The following SLC9B1 variants were observed in gnomAD, a reference collection of about 807,000 sequenced individuals.
SLC9B1 encodes sodium/hydrogen exchanger 9B1.
SLC9B1 carries 32 observed loss-of-function variants against 51.7 expected under a neutral mutation model. The ratio of observed to expected loss-of-function variants is 0.62; its 90% CI spans 0.47 to 0.83. The LOEUF (loss-of-function observed/expected upper bound fraction) is 0.83, where lower values mean the gene tolerates loss of function less well. SLC9B1 is among the 40% of genes least tolerant of loss of function. SLC9B1 has a pLI of 0.00. For synonymous variants in SLC9B1, 145 were observed against 212.7 expected, an observed-to-expected ratio of 0.68 and a Z score of 2.77; for missense variants, 406 against 613.2, an observed-to-expected ratio of 0.66 and a Z score of 3.57.
At chr4:102,996,874 T>C (rs1241531384) in intron 1 of SLC9B1, among the ~76,000 whole-genome samples, 3 of 151,808 alleles carry the variant, frequency 2.0e-5, no homozygotes, top group Non-Finnish European at 4.4e-5. Flanking sequence ...ACAGCCTCAA[T>C]CTCCTGGGCT....
chr4:102,887,159 CTG>C (rs1221341631), intron 11 of SLC9B1, among the ~76,000 whole-genome samples: 2 of 152,116 alleles, frequency 1.3e-5, no homozygotes, highest in Non-Finnish European at 2.9e-5. Flanking sequence ...AATGAAGTAA[CTG>C]TTTAAATTGT....
chr4:102,984,311 T>G (rs1006225729), intron 3 of SLC9B1, among the ~76,000 whole-genome samples: 6 of 152,094 alleles, frequency 3.9e-5, no homozygotes, highest in African/African-American at 1.4e-4. Flanking sequence ...GAGACAGGGC[T>G]TCATCATGTT....
downstream of SLC9B1, chr4:102,897,733 A>G (rs1409279768): frequency 3.4e-5 from 16 of 475,096 alleles, no homozygotes; most frequent in Non-Finnish European, 6.7e-5. Flanking sequence ...TAGTAGTAAG[A>G]GACCAGCTTC....
intron 7 of SLC9B1, chr4:102,912,138 G>GA (rs56920618): frequency 3.1e-3 from 448 of 143,946 alleles, no homozygotes; most frequent in Admixed American, 7.8e-3. Flanking sequence ...ACCTCCAAAA[G>GA]AAAAAAAAAA....
At chr4:102,923,727 T>C (rs987836257) in intron 7 of SLC9B1, among the ~76,000 whole-genome samples, 4 of 152,100 alleles carry the variant, frequency 2.6e-5, no homozygotes, top group African/African-American at 9.6e-5. Flanking sequence ...GGATACAAAA[T>C]CAACGTGTAA....
In SLC9B1 at chr4:103,001,752, C is replaced by T. The variant is rs148457949; in HGVS notation, c.-1-10040G>A. Reference sequence around the variant, plus strand: ...CCCACCTCTACCTGTTACCCAGTTCCAAAGTCACTTCCACATTTTCAAGTA... The same window carrying T: ...CCCACCTCTACCTGTTACCCAGTTCTAAAGTCACTTCCACATTTTCAAGTA... On this transcript the variant is annotated intron_variant, in intron 1 of 11. Transcript: ENST00000296422. Among the ~76,000 whole-genome samples, 1,417 of 152,318 alleles carry T rather than the reference C, an allele frequency of 9.3e-3. 15 individuals are homozygous for T. Among genetic ancestry groups the T allele is most frequent in the African/African-American group, 0.031 (1,281 of 41,562 alleles).
intron 11 of SLC9B1, chr4:102,891,683 T>C (rs928305198): frequency 1.3e-5 from 2 of 152,246 alleles, no homozygotes; most frequent in African/African-American, 2.4e-5. Flanking sequence ...TCCCATTCAA[T>C]TGAAACATTT....
downstream of SLC9B1, chr4:102,898,054 CT>C: frequency 2.2e-6 from 1 of 457,308 alleles, no homozygotes; most frequent in Non-Finnish European, 4.3e-6. Flanking sequence ...AAGCCATGCC[CT>C]AGTCGTGCTG....
At chr4:102,968,084 T>A (rs1738527491) in intron 3 of SLC9B1, among the ~76,000 whole-genome samples, 1 of 152,222 alleles carries the variant, frequency 6.6e-6, no homozygotes, top group South Asian at 2.1e-4. Flanking sequence ...GAGTACTTAA[T>A]ACTGTCTTAT....
intron 1 of SLC9B1, among the ~76,000 whole-genome samples, chr4:102,994,152 G>GT (rs926349598): frequency 1.4e-4 from 21 of 151,786 alleles, no homozygotes; most frequent in Non-Finnish European, 2.2e-4. Flanking sequence ...CCCAGAAAAT[G>GT]TTTTTTTTTC....
At chr4:102,980,546 A>G (rs533955801) in intron 3 of SLC9B1, among the ~76,000 whole-genome samples, 2 of 152,158 alleles carry the variant, frequency 1.3e-5, no homozygotes, top group East Asian at 3.9e-4. Context: ...GAATGATGAG[A>G]ACACATGGGG....
intron 7 of SLC9B1, among the ~76,000 whole-genome samples, chr4:102,927,393 A>G (rs1227941724): frequency 2.0e-5 from 3 of 152,224 alleles, no homozygotes; most frequent in African/African-American, 7.2e-5. Context: ...GAAAAAAACA[A>G]TACCATCAAA....
At chr4:102,991,209 G>C (rs1050537752) in intron 2 of SLC9B1, among the ~76,000 whole-genome samples, 34 of 151,980 alleles carry the variant, frequency 2.2e-4, no homozygotes, top group African/African-American at 8.2e-4. Context: ...CTAATTATGA[G>C]CAATTATTAC....
At chr4:102,921,191 C>G (rs563946481) in intron 7 of SLC9B1, among the ~76,000 whole-genome samples, 57 of 152,314 alleles carry the variant, frequency 3.7e-4, no homozygotes, top group African/African-American at 1.3e-3. Flanking sequence ...AAGGGAAGCC[C>G]ATCAGACTAA....
Position 102,910,535 on chromosome 4 carries a change from G to A in SLC9B1, c.990C>T (p.Ala330=), listed in dbSNP as rs926987321. 2.3e-5 allele frequency: 35 copies of A among 1,547,218 alleles called. No homozygotes were observed. In the African/African-American group the frequency reaches 2.9e-4, roughly 13 times the overall value. ...AACCAATACGTTGGCTGCCTAAGACGGCAGAAACACACATAGTCAAAACAA... is the reference window on the plus strand; with the variant it reads ...AACCAATACGTTGGCTGCCTAAGACAGCAGAAACACACATAGTCAAAACAA... ...GFLVLTMCVS[A]VLGSQRIGLH... Residue 330 remains alanine (A), a synonymous_variant, in exon 9 of 12, where the codon GCC becomes GCT. Transcript: ENST00000296422.
At chr4:102,957,648 A>G (rs1428835017) in intron 3 of SLC9B1, among the ~76,000 whole-genome samples, 4 of 152,318 alleles carry the variant, frequency 2.6e-5, no homozygotes, top group Non-Finnish European at 5.9e-5. Flanking sequence ...TTGCTAAAGA[A>G]ACACTAAATA....
chr4:102,941,101 A>C (rs1209783793), intron 6 of SLC9B1, among the ~76,000 whole-genome samples: 1 of 152,212 alleles, frequency 6.6e-6, no homozygotes, highest in Non-Finnish European at 1.5e-5. Flanking sequence ...TCTGGAAAAC[A>C]CTTTATGATG....
At chr4:102,933,868 A>G (rs1736585399) in intron 6 of SLC9B1, among the ~76,000 whole-genome samples, 1 of 152,250 alleles carries the variant, frequency 6.6e-6, no homozygotes, top group Admixed American at 6.5e-5. Context: ...CTGAATACTT[A>G]GAGAGACATT....
intron 3 of SLC9B1, among the ~76,000 whole-genome samples, chr4:102,981,158 T>A (rs1261735354): frequency 1.3e-5 from 2 of 152,162 alleles, no homozygotes; most frequent in African/African-American, 4.8e-5. Context: ...TTACTCCAAG[T>A]TGTCTCATTG....
Sources: allele counts gnomAD v4.1 joint callset (sites outside exome capture counted in the v4.1 genomes callset), GRCh38; gene constraint gnomAD v4.1.1; transcripts MANE v1.5; gene names NCBI Gene and HGNC (gene_info 2026-07-23, HGNC 2026-07-21).